USH2A: variants seen among roughly 807,000 people sequenced by gnomAD.
The protein encoded by USH2A is usherin, also known as Usher syndrome 2A (autosomal recessive, mild).
In USH2A, 443 loss-of-function variants were observed where a neutral mutation model predicts 538.9. The observed-to-expected ratio is 0.82, with a 90% CI of 0.76 to 0.89. The LOEUF (loss-of-function observed/expected upper bound fraction) is 0.89. Ranked by LOEUF, USH2A falls within the 40% of genes least tolerant of loss-of-function variation. The probability of loss-of-function intolerance (pLI) is 0.00; values close to 1 mark genes in which losing one functional copy is unlikely to be tolerated. For synonymous variants in USH2A, 2,413 were observed against 2,273.5 expected (o/e 1.06, Z -1.75); for missense variants, 6,633 against 6,324.8 (o/e 1.05, Z -1.65).
intron 61 of USH2A, among the ~76,000 whole-genome samples, chr1:215,709,056 C>T (rs61828172): frequency 0.18 from 27,070 of 152,100 alleles, 2,790 homozygotes; most frequent in East Asian, 0.41. Context: ...CCTTCAAGCT[C>T]CTTATCAACC....
intron 35 of USH2A, among the ~76,000 whole-genome samples, chr1:215,985,330 A>C (rs967358633): frequency 1.3e-5 from 2 of 152,228 alleles, no homozygotes; most frequent in African/African-American, 4.8e-5. Context: ...TAAAAGTAAC[A>C]AAATTTTGTT....
At chr1:216,374,083 T>A (rs1330523811) in intron 3 of USH2A, among the ~76,000 whole-genome samples, 1 of 114,204 alleles carries the variant, frequency 8.8e-6, no homozygotes, top group African/African-American at 3.4e-5. Flanking sequence ...AAGGGGAACA[T>A]CACACACTGG....
rs530405236 is a variant in USH2A at position 215,625,777 on chromosome 1, T to C, written c.*4A>G. On this transcript the variant is annotated 3_prime_UTR_variant, in exon 72 of 72. Transcript: ENST00000307340. The stretch of plus-strand genomic sequence containing the variant: ...CAGGGTTACGTCTTCTGGGTTTCCA[T>C]CCTTTACAGGTGGGTGTCTGTGAAT... 4.0e-4 allele frequency: 647 copies of C among 1,614,030 alleles called. 6 individuals carry two copies. In the South Asian group the frequency reaches 6.5e-3, roughly 16 times the overall value.
chr1:216,301,467 C>T (rs1356748944), intron 9 of USH2A, among the ~76,000 whole-genome samples: 3 of 152,178 alleles, frequency 2.0e-5, no homozygotes, highest in Non-Finnish European at 4.4e-5. Context: ...GACCTCACTT[C>T]TAATCTCCAT....
At chr1:216,046,253 A>G (rs191979665) in intron 32 of USH2A, among the ~76,000 whole-genome samples, 178 bp downstream of exon 32, 1 of 152,150 alleles carries the variant, frequency 6.6e-6, no homozygotes, top group Admixed American at 6.6e-5. Context: ...TTGTTATACT[A>G]TGTTTTTAGA....
chr1:215,738,646 A>C (rs1018675920), intron 60 of USH2A, among the ~76,000 whole-genome samples: 6 of 152,182 alleles, frequency 3.9e-5, no homozygotes, highest in Non-Finnish European at 7.4e-5. Context: ...GGACAGTTAC[A>C]GAAAAGAAAA....
intron 44 of USH2A, among the ~76,000 whole-genome samples, chr1:215,858,628 C>G (rs1333950421): frequency 1.3e-5 from 2 of 151,358 alleles, no homozygotes; most frequent in African/African-American, 4.9e-5. Context: ...TTCTTTATAG[C>G]AATGTGAGAA....
intron 44 of USH2A, among the ~76,000 whole-genome samples, chr1:215,846,654 T>C (rs1314122049): frequency 6.6e-6 from 1 of 152,182 alleles, no homozygotes; most frequent in African/African-American, 2.4e-5. Flanking sequence ...AATTATTCAA[T>C]GAATCATCAG....
rs530443489 is a variant in USH2A at position 216,368,572 on chromosome 1, T to C, written c.652-3487A>G. 1.6e-4 allele frequency among the ~76,000 whole-genome samples: 24 copies of C among 152,324 alleles called. No homozygotes were observed. The South Asian group carries it at 3.3e-3, about 21-fold the overall frequency. Reference sequence around the variant, plus strand: ...TAAAGCATCAACTCGGTACCCACAGTGGCCCTATGAGCTACACCAACAAGA... The same window carrying C: ...TAAAGCATCAACTCGGTACCCACAGCGGCCCTATGAGCTACACCAACAAGA... On this transcript the variant is annotated intron_variant, in intron 3 of 71. Coordinates refer to ENST00000307340, the MANE Select transcript of USH2A (RefSeq NM_206933.4).
At chr1:216,337,196 A>G (rs567621674) in intron 4 of USH2A, among the ~76,000 whole-genome samples, 1 of 151,468 alleles carries the variant, frequency 6.6e-6, no homozygotes, top group Non-Finnish European at 1.5e-5. Flanking sequence ...ACAGCTAATA[A>G]CTATTGCATA....
chr1:215,694,390 T>A (rs530916199), intron 61 of USH2A, among the ~76,000 whole-genome samples: 5 of 152,116 alleles, frequency 3.3e-5, no homozygotes, highest in Non-Finnish European at 4.4e-5. Context: ...CGGCTAACAC[T>A]GTGAAACCCC....
chr1:216,131,019 G>A (rs1186122866), intron 21 of USH2A, among the ~76,000 whole-genome samples: 7 of 151,832 alleles, frequency 4.6e-5, no homozygotes, highest in Admixed American at 3.9e-4. Context: ...GAGTAAGGTG[G>A]TACTGTGTCG....
chr1:215,877,609 G>T, intron 43 of USH2A, 149 bp downstream of exon 43: 1 of 1,203,068 alleles, frequency 8.3e-7, no homozygotes, highest in Non-Finnish European at 1.2e-6. Context: ...GTTACAGCTG[G>T]GTGATTAATG....
chr1:216,398,512 A>G (rs2039254429), intron 3 of USH2A, among the ~76,000 whole-genome samples: 1 of 151,308 alleles, frequency 6.6e-6, no homozygotes, highest in African/African-American at 2.4e-5. Flanking sequence ...ACTTTAGCCA[A>G]ACTCCAATGG....
At chr1:215,996,195 G>A (rs904617077) in intron 34 of USH2A, among the ~76,000 whole-genome samples, 3 of 152,208 alleles carry the variant, frequency 2.0e-5, no homozygotes, top group African/African-American at 2.4e-5. Context: ...ACAGATGTAA[G>A]CCAGTGTGCC....
rs537709687 is a variant in USH2A, at chr1:216,148,436, T to C, written c.4627+26816A>G. Among the ~76,000 whole-genome samples, 532 of 151,842 alleles carry C rather than the reference T, an allele frequency of 3.5e-3. 2 individuals carry two copies. The highest frequency in any genetic ancestry group is 0.01 in the African/African-American group (427 of 41,340). ...TCCTCTTCTATCCCCCCACCTTAAC[T>C]CACAAGTATAAGATACCTCTACTCC... On this transcript the variant is annotated intron_variant, in intron 21 of 71. Coordinates refer to ENST00000307340, the MANE Select transcript of USH2A (RefSeq NM_206933.4).
chr1:215,683,216 TACACACACACACACACAC>T (rs71167830), intron 61 of USH2A, among the ~76,000 whole-genome samples: 152 of 149,660 alleles, frequency 1.0e-3, no homozygotes, highest in Admixed American at 2.8e-3. Flanking sequence ...AATAGTTTTA[TACACACACACACACACAC>T]ACACACACAC....
At chr1:215,814,060 C>A (rs566819372) in intron 48 of USH2A, among the ~76,000 whole-genome samples, 156 bp from the exon 49 acceptor site, 1 of 151,454 alleles carries the variant, frequency 6.6e-6, no homozygotes, top group African/African-American at 2.4e-5. Context: ...TTTCCAGGAT[C>A]ATTCGAATTT....
intron 21 of USH2A, among the ~76,000 whole-genome samples, chr1:216,173,377 C>T (rs1469983926): frequency 6.6e-6 from 1 of 152,082 alleles, no homozygotes; most frequent in Non-Finnish European, 1.5e-5. Flanking sequence ...TCAGCAATGT[C>T]CCAGAACATG....
Sources: allele counts gnomAD v4.1 joint callset (sites outside exome capture counted in the v4.1 genomes callset), GRCh38; gene constraint gnomAD v4.1.1; transcripts MANE v1.5; gene names NCBI Gene and HGNC (gene_info 2026-07-23, HGNC 2026-07-21).